The following PDE8B variants were observed in gnomAD, a reference collection of about 807,000 sequenced individuals.
PDE8B encodes phosphodiesterase 8B.
Under a neutral mutation model 101.3 loss-of-function variants are expected in PDE8B, and 26 were observed. The ratio of observed to expected loss-of-function variants is 0.26; its 90% CI spans 0.19 to 0.36. PDE8B has a LOEUF of 0.36. Among genes scored for constraint, PDE8B ranks in the 10% least tolerant of loss-of-function variants. The pLI is 1.00. For missense variants in PDE8B, 810 were observed against 1,163.1 expected (o/e 0.70, Z 4.42); for synonymous variants, 424 against 429.3 (o/e 0.99, Z 0.15).
Position 77,211,114 on chromosome 5 carries a change from C to A in PDE8B, c.189C>A (p.Ser63Arg), listed in dbSNP as rs969640455. Residue 63 changes from serine to arginine, a missense_variant, in exon 1 of 22, where the codon AGC becomes AGA. Ser to Arg is a moderately radical substitution (Grantham distance 110). This residue lies in a region of PDE8B where 159 missense variants were observed against 146.6 expected (regional missense o/e 1.08). Transcript: ENST00000264917. This position sits in a 1 kb window ranked among gnomAD's most constrained non-coding sequence, Gnocchi z 4.1. Reference sequence around the variant, plus strand: ...CGAGCCGCGCGTCGGGACCCCCCAGCGTAGCCCGCGTCCGCAGGGCCCGCA... The same window carrying A: ...CGAGCCGCGCGTCGGGACCCCCCAGAGTAGCCCGCGTCCGCAGGGCCCGCA... ...IPPSRASGPP[S>R]VARVRRARTE... The A allele has an allele frequency of 4.0e-6, 6 of 1,504,682 alleles. No homozygotes were observed. The highest frequency in any genetic ancestry group is 3.5e-6 in the Non-Finnish European group (4 of 1,134,140). 93.2% of individuals were successfully genotyped at this position (1,504,682 alleles called of 1,614,324 possible).
intron 10 of PDE8B, among the ~76,000 whole-genome samples, chr5:77,356,104 T>C (rs953139152): frequency 1.3e-5 from 2 of 152,184 alleles, no homozygotes; most frequent in Non-Finnish European, 2.9e-5. Flanking sequence ...TCTTGGATGT[T>C]CCATTTTCTT....
intron 1 of PDE8B, among the ~76,000 whole-genome samples, chr5:77,218,949 G>A (rs982768477): frequency 3.3e-5 from 5 of 152,150 alleles, no homozygotes; most frequent in African/African-American, 4.8e-5. Context: ...TGGATTTATA[G>A]ACAGATAGGT....
chr5:77,200,423 C>T, the PDE8B span, among the ~76,000 whole-genome samples: 1 of 152,182 alleles, frequency 6.6e-6, no homozygotes, highest in Non-Finnish European at 1.5e-5. Context: ...CCCACTCCCA[C>T]ATCTCAGAAA....
At chr5:77,192,421 A>G in the PDE8B span, among the ~76,000 whole-genome samples, 1 of 152,150 alleles carries the variant, frequency 6.6e-6, no homozygotes. Context: ...TGTCAATAAG[A>G]TCATACACAT....
intron 10 of PDE8B, among the ~76,000 whole-genome samples, chr5:77,383,220 G>A (rs1239585000): frequency 6.6e-5 from 10 of 152,124 alleles, no homozygotes. Context: ...ATGTTTGTTG[G>A]CTGCATAAAT....
chr5:77,337,979 T>A (rs1236070302), intron 6 of PDE8B, among the ~76,000 whole-genome samples: 2 of 152,176 alleles, frequency 1.3e-5, no homozygotes, highest in African/African-American at 4.8e-5. Context: ...TTGCTCAGGC[T>A]CCACTCTGGC....
the PDE8B span, among the ~76,000 whole-genome samples, chr5:77,156,835 C>T: frequency 1.3e-5 from 2 of 152,054 alleles, no homozygotes; most frequent in African/African-American, 2.4e-5. Context: ...GTGTAGAAAC[C>T]CCTTCAGGTT....
At chr5:77,404,300 T>C (rs1201172753) in intron 11 of PDE8B, among the ~76,000 whole-genome samples, 1 of 152,046 alleles carries the variant, frequency 6.6e-6, no homozygotes, top group Non-Finnish European at 1.5e-5. Flanking sequence ...TTTATGTATT[T>C]TTTTAGTAGA....
chr5:77,263,366 T>C (rs1035522056), intron 1 of PDE8B, among the ~76,000 whole-genome samples: 3 of 152,196 alleles, frequency 2.0e-5, no homozygotes, highest in African/African-American at 7.2e-5. Context: ...GTTAAGTAAA[T>C]AAAGCCTTGT....
chr5:77,089,234 G>C, the PDE8B span: 2 of 152,210 alleles, frequency 1.3e-5, no homozygotes, highest in African/African-American at 4.8e-5. Flanking sequence ...TGGGGCATTA[G>C]ATTCTCATAG....
rs775097972 is a variant in PDE8B, at chr5:77,211,094, C to T, written c.169C>T (p.Arg57Cys). ...CGCCGCCGACGCCATCCCCCCGAGC[C>T]GCGCGTCGGGACCCCCCAGCGTAGC... Reference protein sequence around the residue: ...TDAADAIPPSRASGPPSVARV... With the variant: ...TDAADAIPPSCASGPPSVARV... Residue 57 changes from arginine (R) to cysteine (C), a missense_variant, in exon 1 of 22, where the codon CGC (arginine) becomes TGC (cysteine). By Grantham distance (180) the Arg-to-Cys change is radical. Coordinates refer to ENST00000264917, the MANE Select transcript of PDE8B (RefSeq NM_003719.5). The surrounding 1 kb of genome is among the most constrained non-coding windows in gnomAD (Gnocchi z 4.1). The T allele has an allele frequency of 6.7e-7, 1 of 1,493,208 alleles. No homozygotes were observed. The highest frequency in any genetic ancestry group is 1.3e-5 in the South Asian group (1 of 79,832). The allele number at this position is 1,493,208 out of a possible 1,614,324, so 92.5% of individuals were successfully genotyped here.
chr5:77,403,867 G>A (rs1266084322), intron 11 of PDE8B, among the ~76,000 whole-genome samples: 1 of 151,324 alleles, frequency 6.6e-6, no homozygotes, highest in Non-Finnish European at 1.5e-5. Context: ...TGCCCAGGCT[G>A]GAGTGCAATG....
At chr5:77,331,492 T>C (rs770509794) in intron 5 of PDE8B, 33 bp downstream of exon 5, 2 of 1,539,064 alleles carry the variant, frequency 1.3e-6, no homozygotes, top group South Asian at 1.1e-5. Context: ...CTCTCTCAGT[T>C]GCAGGCACCT....
Position 77,210,879 on chromosome 5 carries a change from C to T in PDE8B, c.-47C>T. ...AGGTGGCAGCGGGTGCGCTGGGTCC[C>T]GGCGGCCGCGGGCGCGGGCGGGCGC... On this transcript the variant is annotated 5_prime_UTR_variant, in exon 1 of 22. Coordinates refer to ENST00000264917, the MANE Select transcript of PDE8B (RefSeq NM_003719.5). The surrounding 1 kb of genome is among the most constrained non-coding windows in gnomAD (Gnocchi z 4.9). 1.6e-6 allele frequency: 2 copies of T among 1,227,970 alleles called. No individual in the cohort carries two copies. The highest frequency in any genetic ancestry group is 1.6e-5 in the African/African-American group (1 of 60,674). 76.1% of individuals were successfully genotyped at this position (1,227,970 alleles called of 1,614,324 possible).
intron 1 of PDE8B, among the ~76,000 whole-genome samples, chr5:77,228,679 G>T (rs1410182574): frequency 6.6e-6 from 1 of 152,088 alleles, no homozygotes; most frequent in Admixed American, 6.6e-5. Flanking sequence ...CATATAGAAG[G>T]TATCAGAAAT....
At chr5:77,173,975 G>GGCCT in the PDE8B span, among the ~76,000 whole-genome samples, 1 of 152,088 alleles carries the variant, frequency 6.6e-6, no homozygotes, top group Non-Finnish European at 1.5e-5. Context: ...AGTTATGCTG[G>GGCCT]GACCAACCAC....
the PDE8B span, among the ~76,000 whole-genome samples, chr5:77,204,810 A>C: frequency 6.6e-6 from 1 of 152,002 alleles, no homozygotes. Flanking sequence ...AATACCACTC[A>C]TCTTTGTTCT....
intron 3 of PDE8B, among the ~76,000 whole-genome samples, chr5:77,326,452 A>G (rs999475095): frequency 1.3e-5 from 2 of 152,204 alleles, no homozygotes; most frequent in African/African-American, 4.8e-5. Context: ...TAGTAAGTGA[A>G]ATAAAAGGTG....
At chr5:77,348,382 T>C (rs1026448134) in intron 7 of PDE8B, among the ~76,000 whole-genome samples, 1 of 152,158 alleles carries the variant, frequency 6.6e-6, no homozygotes, top group Admixed American at 6.6e-5. Context: ...CTGGGAGTCA[T>C]CTAGGGTCAT....
Sources: allele counts gnomAD v4.1 joint callset (sites outside exome capture counted in the v4.1 genomes callset), GRCh38; gene constraint gnomAD v4.1.1; regional missense constraint gnomAD v4.1.1; non-coding constraint Gnocchi (gnomAD v3.1); transcripts MANE v1.5; gene names NCBI Gene and HGNC (gene_info 2026-07-23, HGNC 2026-07-21).